RGS6: variants seen among roughly 807,000 people sequenced by gnomAD.
RGS6 encodes the protein regulator of G-protein signaling 6.
In RGS6, 30 loss-of-function variants were observed where a neutral mutation model predicts 78.5. The ratio of observed to expected loss-of-function variants is 0.38; its 90% confidence interval spans 0.29 to 0.52. RGS6 has a LOEUF of 0.52. RGS6 is among the 20% of genes least tolerant of loss of function. The pLI, the probability that RGS6 is intolerant of heterozygous loss-of-function variation, is 0.85. For missense variants in RGS6, 495 were observed against 609.7 expected, an observed-to-expected ratio of 0.81 and a Z score of 1.98; for synonymous variants, 206 against 206.0, an observed-to-expected ratio of 1.00 and a Z score of 0.00.
chr14:72,230,541 A>G (rs1304389478), intron 2 of RGS6, among the ~76,000 whole-genome samples: 1 of 152,206 alleles, frequency 6.6e-6, no homozygotes, highest in Non-Finnish European at 1.5e-5. Context: ...AGCACTCAGG[A>G]TTCTCCAGAG....
chr14:72,004,374 CAAG>C (rs1229331670), intron 2 of RGS6, among the ~76,000 whole-genome samples: 2 of 152,110 alleles, frequency 1.3e-5, no homozygotes, highest in Admixed American at 1.3e-4. Flanking sequence ...TGATAGAACA[CAAG>C]AATGCATAAT....
At chr14:72,602,157 C>A in the RGS6 span, among the ~76,000 whole-genome samples, 3 of 152,216 alleles carry the variant, frequency 2.0e-5, no homozygotes, top group Non-Finnish European at 4.4e-5. Flanking sequence ...ACAGACAAAG[C>A]CACATTTCTC....
At chr14:72,231,084 G>A (rs561000450) in intron 2 of RGS6, among the ~76,000 whole-genome samples, 1 of 152,108 alleles carries the variant, frequency 6.6e-6, no homozygotes, top group South Asian at 2.1e-4. Context: ...TTCAGGCTGG[G>A]GTCACTGGAG....
chr14:72,605,971 G>T, the RGS6 span, among the ~76,000 whole-genome samples: 2 of 152,076 alleles, frequency 1.3e-5, no homozygotes, highest in Admixed American at 6.5e-5. Context: ...AGCTGTGCTG[G>T]TCACTGGTTT....
intron 2 of RGS6, among the ~76,000 whole-genome samples, chr14:72,080,755 C>A (rs1298698343): frequency 6.6e-6 from 1 of 152,074 alleles, no homozygotes; most frequent in Non-Finnish European, 1.5e-5. Flanking sequence ...GTTTTCCCAA[C>A]ACCATTTATT....
At chr14:71,996,685 G>T (rs1182362035) in intron 2 of RGS6, among the ~76,000 whole-genome samples, 1 of 152,034 alleles carries the variant, frequency 6.6e-6, no homozygotes, top group Admixed American at 6.5e-5. Context: ...TATAACAGAC[G>T]GTCAATAAAC....
chr14:72,015,521 T>G (rs112424880), intron 2 of RGS6, among the ~76,000 whole-genome samples: 19 of 152,354 alleles, frequency 1.2e-4, no homozygotes, highest in African/African-American at 4.6e-4. Flanking sequence ...TTCAGATGCT[T>G]TCACCTTTTT....
chr14:71,991,351 CT>C lies in RGS6; in HGVS notation c.84+26478del, dbSNP rs760385877. On this transcript the variant is annotated intron_variant, in intron 2 of 17. Coordinates refer to ENST00000553525, the MANE Select transcript of RGS6 (RefSeq NM_001204424.2). ...TTTTCTTCCTTCCCTCTCTCCTCATCTTCCACATTCCTATCTGTGAGAGAGG... is the reference window on the plus strand; with the variant it reads ...TTTTCTTCCTTCCCTCTCTCCTCATCTCCACATTCCTATCTGTGAGAGAGG... Among the ~76,000 whole-genome samples, 84 of 152,332 alleles carry C rather than the reference CT, an allele frequency of 5.5e-4. 1 individual carries two copies. Among genetic ancestry groups the C allele is most frequent in the Middle Eastern group, 3.4e-3 (1 of 292 alleles).
chr14:72,433,668 G>A (rs1401761975), intron 3 of RGS6, among the ~76,000 whole-genome samples: 3 of 152,032 alleles, frequency 2.0e-5, no homozygotes, highest in South Asian at 2.1e-4. Context: ...TTGCCTCCAC[G>A]ACTCAACTCC....
chr14:72,115,741 T>C (rs547992996), intron 2 of RGS6, among the ~76,000 whole-genome samples: 1 of 152,344 alleles, frequency 6.6e-6, no homozygotes, highest in Non-Finnish European at 1.5e-5. Flanking sequence ...AAATGCCTCT[T>C]AGGGGTCTAT....
Position 72,304,228 on chromosome 14 carries a change from G to A in RGS6, c.85-47867G>A, listed in dbSNP as rs543197524. Among the ~76,000 whole-genome samples the A allele has an allele frequency of 5.3e-5, 8 of 152,302 alleles. No homozygotes were observed. In the East Asian group the frequency reaches 5.8e-4, roughly 11 times the overall value. Reference sequence around the variant, plus strand: ...CAAGTGTATGTGACTAGTAAACCACGATCTGTCTCTTTTAAGTGGTGTGGG... The same window carrying A: ...CAAGTGTATGTGACTAGTAAACCACAATCTGTCTCTTTTAAGTGGTGTGGG... On this transcript the variant is annotated intron_variant, in intron 2 of 17. Transcript: ENST00000553525.
At chr14:72,629,773 G>A in the RGS6 span, 55 of 1,457,350 alleles carry the variant, frequency 3.8e-5, 1 homozygote, top group South Asian at 6.4e-4. Flanking sequence ...TAGGGCCAAA[G>A]TATGAACTGC....
At chr14:71,929,152 A>T (rs1477190437), upstream of RGS6, among the ~76,000 whole-genome samples, 2 of 152,238 alleles carry the variant, frequency 1.3e-5, no homozygotes, top group Non-Finnish European at 2.9e-5. Flanking sequence ...TACCTTGAGT[A>T]CAACATCAGG....
intron 2 of RGS6, among the ~76,000 whole-genome samples, chr14:72,241,463 C>T (rs1156714620): frequency 1.3e-5 from 2 of 152,156 alleles, no homozygotes; most frequent in South Asian, 4.1e-4. Context: ...TTTTCTCTCT[C>T]TCTTATTCTA....
intron 15 of RGS6, among the ~76,000 whole-genome samples, chr14:72,520,828 G>A (rs750194197): frequency 6.6e-5 from 10 of 152,162 alleles, no homozygotes; most frequent in African/African-American, 1.7e-4. Context: ...CTTGGATTGG[G>A]CCATCTCTGG....
intron 2 of RGS6, among the ~76,000 whole-genome samples, chr14:72,315,853 G>A (rs886755477): frequency 6.6e-6 from 1 of 152,192 alleles, no homozygotes; most frequent in African/African-American, 2.4e-5. Context: ...TTCTTCCCAG[G>A]CAGTGTGGCA....
chr14:71,913,116 C>T, the RGS6 span, among the ~76,000 whole-genome samples: 452 of 152,224 alleles, frequency 3.0e-3, 2 homozygotes, highest in African/African-American at 0.01. Flanking sequence ...CGTGAGCCAC[C>T]GCGCCTGGCC....
the RGS6 span, among the ~76,000 whole-genome samples, chr14:71,888,303 C>T: frequency 6.6e-6 from 1 of 151,662 alleles, no homozygotes; most frequent in Non-Finnish European, 1.5e-5. Flanking sequence ...TGGTGGGCAC[C>T]TGTAATCCCA....
At chr14:72,078,894 TTTTG>T (rs757421984) in intron 2 of RGS6, among the ~76,000 whole-genome samples, 5 of 152,208 alleles carry the variant, frequency 3.3e-5, no homozygotes, top group Non-Finnish European at 7.3e-5. Flanking sequence ...TATTTTAATA[TTTTG>T]TTTCTCTTTT....
Sources: allele counts gnomAD v4.1 joint callset (sites outside exome capture counted in the v4.1 genomes callset), GRCh38; gene constraint gnomAD v4.1.1; transcripts MANE v1.5; gene names NCBI Gene and HGNC (gene_info 2026-07-23, HGNC 2026-07-21).